The following XPR1 variants were observed in gnomAD, a reference collection of about 807,000 sequenced individuals.
XPR1 encodes xenotropic and polytropic retrovirus receptor 1.
In XPR1, 28 loss-of-function variants were observed where a neutral mutation model predicts 87.5. The ratio of observed to expected loss-of-function variants is 0.32; its 90% CI spans 0.24 to 0.44. The LOEUF (loss-of-function observed/expected upper bound fraction) is 0.44. Ranked by LOEUF, XPR1 falls within the 20% of genes least tolerant of loss-of-function variation. The pLI is 1.00. For missense variants in XPR1, 559 were observed against 862.3 expected (o/e 0.65, Z 4.41); for synonymous variants, 300 against 306.1 (o/e 0.98, Z 0.21).
intron 1 of XPR1, among the ~76,000 whole-genome samples, chr1:180,670,519 C>A (rs1337971430): frequency 1.3e-5 from 2 of 152,318 alleles, no homozygotes; most frequent in East Asian, 1.9e-4. Context: ...TCATCACTTT[C>A]AGTTGTGCAG....
At chr1:180,883,204 G>A (rs1571258369) in intron 14 of XPR1, among the ~76,000 whole-genome samples, 1 of 148,086 alleles carries the variant, frequency 6.8e-6, no homozygotes, top group Non-Finnish European at 1.5e-5. Context: ...GGGCTAAGGC[G>A]ATCCTCTTAT....
chr1:180,859,277 C>T (rs1012320777), intron 11 of XPR1, among the ~76,000 whole-genome samples: 12 of 152,104 alleles, frequency 7.9e-5, no homozygotes, highest in African/African-American at 2.9e-4. Flanking sequence ...GCTATGGGTA[C>T]AAAACTGTAA....
intron 1 of XPR1, among the ~76,000 whole-genome samples, chr1:180,657,360 T>G (rs1655568181): frequency 6.6e-6 from 1 of 152,218 alleles, no homozygotes. Context: ...CAAGAAATCT[T>G]AGCCTAGTTC....
intron 2 of XPR1, among the ~76,000 whole-genome samples, chr1:180,754,582 T>C (rs538049808): frequency 1.4e-3 from 208 of 152,192 alleles, no homozygotes; most frequent in African/African-American, 4.9e-3. Flanking sequence ...CACCTAGGCT[T>C]CCCGAGTATC....
chr1:180,847,156 G>C (rs1651714384), intron 11 of XPR1, among the ~76,000 whole-genome samples: 1 of 152,194 alleles, frequency 6.6e-6, no homozygotes, highest in Admixed American at 6.5e-5. Context: ...GTATAGAAAA[G>C]ACTGAATCAC....
rs34147299 is a variant in XPR1 at position 180,813,040 on chromosome 1, T to TCCC, written c.763+1560_763+1562dup. On this transcript the variant is annotated intron_variant, in intron 7 of 14. Transcript: ENST00000367590. The stretch of plus-strand genomic sequence containing the variant: ...TCCTTATAGCTACTAGTGTCTTTTT[T>TCCC]CCCCCCCCCCAATGGAAGTTAGATC... 6.9e-3 allele frequency among the ~76,000 whole-genome samples: 943 copies of TCCC among 136,696 alleles called. 10 individuals are homozygous for TCCC. Among genetic ancestry groups the TCCC allele is most frequent in the African/African-American group, 0.022 (798 of 36,858 alleles). The allele number at this position is 136,696 out of a possible 152,430, so 89.7% of individuals were successfully genotyped here. A position where few individuals can be genotyped will look rare whatever the true frequency, so the allele number is the denominator to read the frequency against.
chr1:180,654,758 G>A (rs562052382), intron 1 of XPR1, among the ~76,000 whole-genome samples: 5 of 152,148 alleles, frequency 3.3e-5, no homozygotes, highest in Admixed American at 2.0e-4. Flanking sequence ...TCCTTTTTAA[G>A]GCTGAATATT....
At chr1:180,867,059 G>A (rs1299779112) in intron 12 of XPR1, among the ~76,000 whole-genome samples, 2 of 92,844 alleles carry the variant, frequency 2.2e-5, no homozygotes, top group African/African-American at 4.5e-5. Flanking sequence ...GAGAATATGC[G>A]GTGTTTGGTT....
At chr1:180,656,458 T>C (rs1329465903) in intron 1 of XPR1, among the ~76,000 whole-genome samples, 2 of 64,214 alleles carry the variant, frequency 3.1e-5, no homozygotes, top group Non-Finnish European at 5.3e-5. Context: ...TTTATATATT[T>C]ATATATAATA....
At chr1:180,859,965 G>C (rs1652164561) in intron 11 of XPR1, among the ~76,000 whole-genome samples, 1 of 152,010 alleles carries the variant, frequency 6.6e-6, no homozygotes, top group Non-Finnish European at 1.5e-5. Context: ...ATCAGAAAGA[G>C]AACTGGAATA....
At chr1:180,717,204 GCT>G (rs1451711751) in intron 2 of XPR1, among the ~76,000 whole-genome samples, 1 of 152,118 alleles carries the variant, frequency 6.6e-6, no homozygotes, top group Non-Finnish European at 1.5e-5. Context: ...TGTTGGTCAG[GCT>G]GGTCTTGAAC....
chr1:180,702,045 A>G (rs1657350694), intron 2 of XPR1, among the ~76,000 whole-genome samples: 1 of 81,642 alleles, frequency 1.2e-5, no homozygotes, highest in East Asian at 2.6e-4. Context: ...TCAATTTTGG[A>G]TCTTTCCTGC....
intron 3 of XPR1, among the ~76,000 whole-genome samples, chr1:180,802,325 G>T (rs975136292): frequency 6.6e-6 from 1 of 152,130 alleles, no homozygotes; most frequent in Admixed American, 6.5e-5. Context: ...TTAAATGTAT[G>T]TGTAGCACAA....
At chr1:180,745,915 TTTGC>T (rs1210531614) in intron 2 of XPR1, among the ~76,000 whole-genome samples, 2 of 152,206 alleles carry the variant, frequency 1.3e-5, no homozygotes, top group Non-Finnish European at 2.9e-5. Context: ...GAACCAAAAC[TTTGC>T]TTGCTTTTTG....
At chr1:180,851,658 A>G (rs7536258) in intron 11 of XPR1, among the ~76,000 whole-genome samples, 66,408 of 151,866 alleles carry the variant, frequency 0.44, 14,896 homozygotes, top group Non-Finnish European at 0.46. Flanking sequence ...TCAAATGTGT[A>G]ACAGAAAGGG....
chr1:180,743,355 A>G (rs575734475), intron 2 of XPR1, among the ~76,000 whole-genome samples: 1 of 152,002 alleles, frequency 6.6e-6, no homozygotes, highest in Non-Finnish European at 1.5e-5. Context: ...TAAACAGTCT[A>G]TTTAGGATTA....
intron 2 of XPR1, among the ~76,000 whole-genome samples, chr1:180,740,693 C>T (rs943499052): frequency 2.0e-5 from 3 of 152,174 alleles, no homozygotes; most frequent in African/African-American, 7.2e-5. Context: ...GAAGTGTTCT[C>T]TCCCATCTCA....
chr1:180,763,631 C>T (rs1163770234), intron 2 of XPR1, among the ~76,000 whole-genome samples: 1 of 152,102 alleles, frequency 6.6e-6, no homozygotes, highest in Non-Finnish European at 1.5e-5. Context: ...AAAAAGTGCC[C>T]ATATGTGACA....
rs545375042 is a variant in XPR1 at position 180,791,977 on chromosome 1, A to T, written c.223+4123A>T. Among the ~76,000 whole-genome samples the T allele has an allele frequency of 4.6e-5, 7 of 152,342 alleles. No individual in the cohort carries two copies. In the South Asian group the frequency reaches 1.5e-3, roughly 32 times the overall value. Reference sequence around the variant, plus strand: ...CAGGGCCAGTGAGGCACGTCTCTTGATGTCCTCACTGGTACAAATTGGTAG... The same window carrying T: ...CAGGGCCAGTGAGGCACGTCTCTTGTTGTCCTCACTGGTACAAATTGGTAG... On this transcript the variant is annotated intron_variant, in intron 3 of 14. Transcript: ENST00000367590.
Sources: gnomAD v4.1 joint callset for allele counts (sites outside exome capture counted in the v4.1 genomes callset) on GRCh38, gnomAD v4.1.1 for gene constraint, MANE v1.5 for transcripts, NCBI Gene and HGNC (gene_info 2026-07-23, HGNC 2026-07-21) for gene names.